The following CEP128 variants were observed in gnomAD, a reference collection of about 807,000 sequenced individuals.
CEP128 encodes centrosomal protein 128kDa.
Under a neutral mutation model 156.7 loss-of-function variants are expected in CEP128, and 132 were observed. The observed-to-expected ratio is 0.84, with a 90% CI of 0.73 to 0.97. The LOEUF is 0.97. Among genes scored for constraint, CEP128 ranks in the 50% least tolerant of loss-of-function variants. The pLI is 0.00. For synonymous variants in CEP128, 469 were observed against 448.9 expected (o/e 1.04, Z -0.57); for missense variants, 1,252 against 1,281.9 (o/e 0.98, Z 0.36).
chr14:80,532,104 C>G (rs541291354), intron 21 of CEP128, among the ~76,000 whole-genome samples: 1 of 152,048 alleles, frequency 6.6e-6, no homozygotes, highest in South Asian at 2.1e-4. Context: ...TAATACCTAC[C>G]CTGAGAATTA....
At chr14:80,656,791 A>G (rs529198065) in intron 19 of CEP128, among the ~76,000 whole-genome samples, 1 of 152,282 alleles carries the variant, frequency 6.6e-6, no homozygotes, top group Non-Finnish European at 1.5e-5. Context: ...CCTGAAATCC[A>G]AGATCACAGT....
intron 19 of CEP128, among the ~76,000 whole-genome samples, chr14:80,640,906 A>T (rs1389281832): frequency 2.0e-5 from 3 of 152,220 alleles, no homozygotes; most frequent in African/African-American, 7.2e-5. Flanking sequence ...ATTGAAGAGC[A>T]TGAGTTTTGA....
intron 19 of CEP128, among the ~76,000 whole-genome samples, chr14:80,595,600 A>G (rs1892279653): frequency 6.6e-6 from 1 of 152,250 alleles, no homozygotes; most frequent in South Asian, 2.1e-4. Flanking sequence ...AACTACTGAA[A>G]GCTTACACAA....
At chr14:80,568,008 T>C (rs1222095950) in intron 20 of CEP128, among the ~76,000 whole-genome samples, 1 of 152,186 alleles carries the variant, frequency 6.6e-6, no homozygotes, top group East Asian at 1.9e-4. Flanking sequence ...GCATATGCCC[T>C]GAACTCCTAT....
chr14:80,776,235 T>C (rs1336745429), intron 16 of CEP128, among the ~76,000 whole-genome samples: 1 of 152,152 alleles, frequency 6.6e-6, no homozygotes, highest in African/African-American at 2.4e-5. Context: ...CATAATTTCA[T>C]AAATTAGAAT....
At chr14:80,725,183 ATTT>A (rs201490130) in intron 19 of CEP128, among the ~76,000 whole-genome samples, 10 of 137,092 alleles carry the variant, frequency 7.3e-5, no homozygotes, top group South Asian at 2.3e-4. Flanking sequence ...TGTTTTCCCA[ATTT>A]TTTTTTTTTT....
chr14:80,736,482 C>T (rs1285935179), intron 19 of CEP128, among the ~76,000 whole-genome samples: 1 of 151,940 alleles, frequency 6.6e-6, no homozygotes, highest in Admixed American at 6.6e-5. Flanking sequence ...TTTAACATTT[C>T]TGAATTTTCC....
chr14:80,537,450 T>C (rs894715736), intron 21 of CEP128, among the ~76,000 whole-genome samples: 3 of 152,126 alleles, frequency 2.0e-5, no homozygotes, highest in Non-Finnish European at 1.5e-5. Context: ...TTCTTTCATA[T>C]CATTCTTGCC....
At chr14:80,604,201 T>C (rs143165894) in intron 19 of CEP128, among the ~76,000 whole-genome samples, 3,963 of 152,264 alleles carry the variant, frequency 0.026, 75 homozygotes, top group Non-Finnish European at 0.029. Flanking sequence ...TGTCCCTCTT[T>C]GTTCAAAGAC....
chr14:80,614,752 A>G (rs1893142294), intron 19 of CEP128, among the ~76,000 whole-genome samples: 2 of 152,294 alleles, frequency 1.3e-5, no homozygotes, highest in South Asian at 4.1e-4. Flanking sequence ...TTTTTAATAA[A>G]TCCCTAGTGT....
chr14:80,650,515 T>A (rs567841561), intron 19 of CEP128, among the ~76,000 whole-genome samples: 1 of 152,314 alleles, frequency 6.6e-6, no homozygotes, highest in Admixed American at 6.5e-5. Context: ...AGGAAATGCT[T>A]CCAGTTTTTG....
chr14:80,843,056 A>T (rs1011815659), intron 9 of CEP128, among the ~76,000 whole-genome samples: 2 of 152,000 alleles, frequency 1.3e-5, no homozygotes, highest in African/African-American at 4.8e-5. Context: ...AAAAAAAGGT[A>T]GTTTTTCTTT....
intron 13 of CEP128, among the ~76,000 whole-genome samples, chr14:80,820,991 T>C (rs1213717751): frequency 6.6e-6 from 1 of 152,222 alleles, no homozygotes. Flanking sequence ...TTGAAAAAAA[T>C]CTTCCTAATG....
At chr14:80,897,176 C>A (rs1445598319) in intron 7 of CEP128, among the ~76,000 whole-genome samples, 1 of 152,202 alleles carries the variant, frequency 6.6e-6, no homozygotes, top group Non-Finnish European at 1.5e-5. Flanking sequence ...CCTGACACAA[C>A]ACCCATAAAT....
chr14:80,777,967 A>G lies in CEP128; in HGVS notation c.2291T>C (p.Leu764Pro), dbSNP rs1186123249. Residue 764 changes from leucine (L) to proline (P), a missense_variant, in exon 16 of 25, where the codon CTG becomes CCG. Coordinates refer to ENST00000555265, the MANE Select transcript of CEP128 (RefSeq NM_152446.5). ...LEKLKSQCDR[L>P]TEELTQNENE... ...TTCATTCTGGGTTAATTCCTCTGTC[A>G]GTCTGTCACACTGTGATTTCAACTT... The G allele has an allele frequency of 3.1e-6, 5 of 1,612,906 alleles. No individual in the cohort carries two copies. The highest frequency in any genetic ancestry group is 1.3e-5 in the African/African-American group (1 of 74,876).
At chr14:80,928,260 A>G (rs935027890) in intron 2 of CEP128, among the ~76,000 whole-genome samples, 3 of 152,234 alleles carry the variant, frequency 2.0e-5, no homozygotes, top group Admixed American at 2.0e-4. Flanking sequence ...AAAAGATCAC[A>G]CTAACTCTCC....
At chr14:80,654,058 A>G (rs779034806) in intron 19 of CEP128, among the ~76,000 whole-genome samples, 27 of 152,122 alleles carry the variant, frequency 1.8e-4, no homozygotes, top group Non-Finnish European at 2.8e-4. Flanking sequence ...CCCCTGCTTT[A>G]TAGAACATGA....
chr14:80,884,576 G>C (rs1327112879), intron 8 of CEP128, among the ~76,000 whole-genome samples: 4 of 152,186 alleles, frequency 2.6e-5, no homozygotes, highest in African/African-American at 7.2e-5. Flanking sequence ...CCCTCCCCTA[G>C]CCAAGGGAAG....
intron 14 of CEP128, among the ~76,000 whole-genome samples, chr14:80,481,161 C>T (rs1335316461): frequency 1.3e-5 from 2 of 152,134 alleles, no homozygotes; most frequent in African/African-American, 4.8e-5. Flanking sequence ...TAAAGACATA[C>T]CCGAGACAGG....
Sources: allele counts gnomAD v4.1 joint callset (sites outside exome capture counted in the v4.1 genomes callset), GRCh38; gene constraint gnomAD v4.1.1; transcripts MANE v1.5; gene names NCBI Gene and HGNC (gene_info 2026-07-23, HGNC 2026-07-21).